THADA: variants seen among roughly 807,000 people sequenced by gnomAD.
The protein encoded by THADA is THADA armadillo repeat containing, also known as tRNA (32-2'-O)-methyltransferase regulator THADA.
Under a neutral mutation model 219.8 loss-of-function variants are expected in THADA, and 213 were observed. The ratio of observed to expected loss-of-function variants is 0.97; its 90% CI spans 0.87 to 1.09. The LOEUF (loss-of-function observed/expected upper bound fraction) is 1.09, where lower values mean the gene tolerates loss of function less well. THADA is among the 50% of genes least tolerant of loss of function. The pLI is 0.00. For missense variants in THADA, 2,956 were observed against 2,311.3 expected (o/e 1.28, Z -5.72); for synonymous variants, 1,018 against 828.9 (o/e 1.23, Z -3.92).
Position 43,581,809 on chromosome 2 carries a change from G to A in THADA, c.653C>T (p.Thr218Ile). The A allele has an allele frequency of 6.2e-7, 1 of 1,612,930 alleles. No individual in the cohort carries two copies. Among genetic ancestry groups the A allele is most frequent in the South Asian group, 1.1e-5 (1 of 90,890 alleles). Residue 218 changes from threonine (T) to isoleucine (I), a missense_variant, in exon 8 of 38, where the codon ACT (threonine) becomes ATT (isoleucine). Coordinates refer to ENST00000405975, the MANE Select transcript of THADA (RefSeq NM_022065.5). Reference sequence around the variant, plus strand: ...ATTTTGCCATATGGGAGAATCGGAAGTCTTCCAAAGATTTCCCTGGAAATC... The same window carrying A: ...ATTTTGCCATATGGGAGAATCGGAAATCTTCCAAAGATTTCCCTGGAAATC... ...VQDFQGNLWK[T>I]SDSPIWQNMC...
intron 8 of THADA, 105 bp from the exon 9 acceptor site, chr2:43,578,712 G>C (rs1235170435): frequency 9.5e-6 from 6 of 632,370 alleles, no homozygotes; most frequent in Non-Finnish European, 1.3e-5. Context: ...ACAATTTCTA[G>C]TCTGACCACT....
intron 25 of THADA, among the ~76,000 whole-genome samples, chr2:43,489,761 G>C (rs1358233455): frequency 6.6e-6 from 1 of 151,248 alleles, no homozygotes; most frequent in East Asian, 1.9e-4. Context: ...ATTTACTGTT[G>C]CTTTGCATTA....
chr2:43,574,196 C>G (rs1699592760), intron 11 of THADA, 140 bp downstream of exon 11: 1 of 688,602 alleles, frequency 1.5e-6, no homozygotes, highest in Non-Finnish European at 2.3e-6. Flanking sequence ...TCGTTTCAAA[C>G]TGAAACATCT....
At chr2:43,453,574 T>C (rs916324908) in intron 26 of THADA, among the ~76,000 whole-genome samples, 29 of 152,202 alleles carry the variant, frequency 1.9e-4, no homozygotes, top group African/African-American at 6.5e-4. Context: ...TACATGCAAA[T>C]GAAATTTATT....
chr2:43,438,783 T>C (rs1460335026), intron 26 of THADA, among the ~76,000 whole-genome samples: 2 of 152,230 alleles, frequency 1.3e-5, no homozygotes, highest in African/African-American at 2.4e-5. Context: ...GTGTATATAC[T>C]ATGCTTTTTC....
intron 7 of THADA, 44 bp from the exon 8 acceptor site, chr2:43,581,972 A>G (rs779824136): frequency 2.9e-6 from 4 of 1,399,930 alleles, no homozygotes; most frequent in East Asian, 2.4e-5. Context: ...AATTCAAACA[A>G]AAGTGTGAAC....
At chr2:43,441,623 A>G (rs1680854531) in intron 26 of THADA, among the ~76,000 whole-genome samples, 1 of 152,200 alleles carries the variant, frequency 6.6e-6, no homozygotes, top group South Asian at 2.1e-4. Flanking sequence ...CCAGCCTTCA[A>G]CTAACCATGA....
chr2:43,280,460 C>T (rs1345117500), intron 35 of THADA, among the ~76,000 whole-genome samples: 9 of 152,000 alleles, frequency 5.9e-5, no homozygotes, highest in Non-Finnish European at 8.8e-5. Flanking sequence ...GGTGAAACCC[C>T]GTCTCTACTA....
intron 4 of THADA, among the ~76,000 whole-genome samples, chr2:43,589,723 G>T (rs1054683315): frequency 1.3e-5 from 2 of 152,088 alleles, no homozygotes; most frequent in African/African-American, 4.8e-5. Flanking sequence ...ACTACAAATT[G>T]TTGGGTACAG....
Position 43,240,072 on chromosome 2 carries a change from TA to T in THADA, c.5297-7191del, listed in dbSNP as rs1572727562. ...TGACACAGACAAATTATATCATGAG[TA>T]GGGGTAATCAAAAGACAGAAAGGAA... On this transcript the variant is annotated intron_variant, in intron 36 of 37. Coordinates refer to ENST00000405975, the MANE Select transcript of THADA (RefSeq NM_022065.5). Among the ~76,000 whole-genome samples the T allele has an allele frequency of 2.0e-5, 3 of 150,942 alleles. No homozygotes were observed. The East Asian group carries it at 5.8e-4, about 29-fold the overall frequency.
intron 4 of THADA, among the ~76,000 whole-genome samples, chr2:43,589,599 A>G (rs533172125): frequency 3.3e-5 from 5 of 152,328 alleles, no homozygotes; most frequent in African/African-American, 9.6e-5. Context: ...CTCAAACATC[A>G]TATGTTCTCA....
intron 31 of THADA, among the ~76,000 whole-genome samples, chr2:43,296,007 C>T (rs1675330212): frequency 6.6e-6 from 1 of 151,540 alleles, no homozygotes. Flanking sequence ...GCAACCTCCA[C>T]CTCCAGGGTT....
At chr2:43,266,953 T>G (rs1299131295) in intron 36 of THADA, among the ~76,000 whole-genome samples, 4 of 152,124 alleles carry the variant, frequency 2.6e-5, no homozygotes, top group African/African-American at 7.2e-5. Flanking sequence ...CCGCCATTGC[T>G]CCTTTTTTTT....
chr2:43,467,663 A>G (rs993788136), intron 26 of THADA, among the ~76,000 whole-genome samples: 1 of 152,256 alleles, frequency 6.6e-6, no homozygotes, highest in African/African-American at 2.4e-5. Context: ...TGAACCAATC[A>G]AACTACATCT....
At chr2:43,336,849 A>G (rs1004904887) in intron 30 of THADA, among the ~76,000 whole-genome samples, 8 of 152,190 alleles carry the variant, frequency 5.3e-5, no homozygotes, top group African/African-American at 1.9e-4. Context: ...ATGGGAGCTC[A>G]GGTAACCTAA....
intron 36 of THADA, among the ~76,000 whole-genome samples, chr2:43,235,963 C>T (rs371061465): frequency 1.2e-4 from 19 of 152,260 alleles, no homozygotes; most frequent in Non-Finnish European, 2.2e-4. Context: ...CCCGCCACCA[C>T]GCCCGGCTAA....
intron 36 of THADA, among the ~76,000 whole-genome samples, chr2:43,262,439 A>ATGGGGCC (rs58153894): frequency 5.3e-5 from 8 of 151,816 alleles, no homozygotes; most frequent in East Asian, 1.9e-4. Flanking sequence ...CAGAAGAAGC[A>ATGGGGCC]TGGGGCCTGG....
intron 28 of THADA, among the ~76,000 whole-genome samples, chr2:43,412,192 CAATT>C (rs2104762971): frequency 6.6e-6 from 1 of 152,226 alleles, no homozygotes; most frequent in East Asian, 1.9e-4. Flanking sequence ...TGAGTTCAAT[CAATT>C]AACAAATTTA....
chr2:43,274,993 CTTTTCTTT>C (rs775992529), intron 36 of THADA, among the ~76,000 whole-genome samples: 2 of 121,626 alleles, frequency 1.6e-5, no homozygotes, highest in Non-Finnish European at 3.5e-5. Flanking sequence ...CTTTTCTTTT[CTTTTCTTT>C]TTTTTTTTTT....
Sources: allele counts gnomAD v4.1 joint callset (sites outside exome capture counted in the v4.1 genomes callset), GRCh38; gene constraint gnomAD v4.1.1; transcripts MANE v1.5; gene names NCBI Gene and HGNC (gene_info 2026-07-23, HGNC 2026-07-21).